The following SMAD6 variants were observed in gnomAD, a reference collection of about 807,000 sequenced individuals.
The protein encoded by SMAD6 is SMAD family member 6.
Under a neutral mutation model 39.4 loss-of-function variants are expected in SMAD6, and 103 were observed. That is an observed-to-expected ratio of 2.62 (90% confidence interval 2.23 to 3.08). SMAD6 has a LOEUF of 3.08. Ranked by LOEUF, SMAD6 falls within the 30% of genes most tolerant of loss-of-function variation. SMAD6 has a pLI of 0.00. For synonymous variants in SMAD6, 445 were observed against 353.3 expected, an observed-to-expected ratio of 1.26 and a Z score of -2.91; for missense variants, 1,104 against 742.9, an observed-to-expected ratio of 1.49 and a Z score of -5.65.
intron 3 of SMAD6, among the ~76,000 whole-genome samples, chr15:66,763,210 TC>T (rs927813204): frequency 1.3e-5 from 2 of 152,246 alleles, no homozygotes; most frequent in Non-Finnish European, 2.9e-5. Context: ...CAGGCCTGAC[TC>T]CCTGCCCAAG....
chr15:66,775,679 A>T (rs1056269870), intron 3 of SMAD6, among the ~76,000 whole-genome samples: 1 of 152,168 alleles, frequency 6.6e-6, no homozygotes, highest in African/African-American at 2.4e-5. Context: ...GGCCCTGAGC[A>T]GGGGGTAGTG....
Position 66,781,272 on chromosome 15 carries a change from A to ATCTTCGGCGAGCACCCCT in SMAD6, c.1234_1235insGCGAGCACCCCTTCTTCG (p.Phe411_Val412insGlyGluHisProPhePhe), listed in dbSNP as rs1894563552. 1 of 1,607,278 alleles carries ATCTTCGGCGAGCACCCCT rather than the reference A, an allele frequency of 6.2e-7. No individual in the cohort carries two copies. Among genetic ancestry groups the ATCTTCGGCGAGCACCCCT allele is most frequent in the South Asian group, 1.1e-5 (1 of 91,030 alleles). ...GGCCTACAACCGCGGCGAGCACCCC[A>ATCTTCGGCGAGCACCCCT]TCTTCGTCAACTCCCCGACGCTGGA... On this transcript the variant is annotated inframe_insertion, in exon 4 of 4. Transcript: ENST00000288840.
chr15:66,703,339 C>CGGCGGCGGCGGT lies in SMAD6; in HGVS notation c.89_100dup (p.Gly30_Gly33dup), dbSNP rs1473812330. 6.8e-7 allele frequency: 1 copy of CGGCGGCGGCGGT among 1,477,800 alleles called. No individual in the cohort carries two copies. The highest frequency in any genetic ancestry group is 2.4e-5 in the Admixed American group (1 of 41,236). 91.5% of individuals were successfully genotyped at this position (1,477,800 alleles called of 1,614,324 possible). A position where few individuals can be genotyped will look rare whatever the true frequency, so the allele number is the denominator to read the frequency against. On this transcript the variant is annotated inframe_insertion, in exon 1 of 4. Coordinates refer to ENST00000288840, the MANE Select transcript of SMAD6 (RefSeq NM_005585.5). Reference sequence around the variant, plus strand: ...TCCCCGACCGGGAGGAAGGCGGCAGCGGCGGCGGCGGTGGCGGCGACGAGG... The same window carrying CGGCGGCGGCGGT: ...TCCCCGACCGGGAGGAAGGCGGCAGCGGCGGCGGCGGTGGCGGCGGCGGTGGCGGCGACGAGG...
At chr15:66,713,935 A>G (rs1893279214) in intron 2 of SMAD6, among the ~76,000 whole-genome samples, 1 of 152,160 alleles carries the variant, frequency 6.6e-6, no homozygotes, top group South Asian at 2.1e-4. Context: ...GAGGGCGAGG[A>G]GCTTCCCAGC....
chr15:66,723,596 G>A (rs1394582698), intron 3 of SMAD6, among the ~76,000 whole-genome samples: 1 of 152,182 alleles, frequency 6.6e-6, no homozygotes, highest in Non-Finnish European at 1.5e-5. Flanking sequence ...CTTGAGCTCA[G>A]GAGTTGGAGG....
At chr15:66,706,876 T>C (rs1048738395) in intron 1 of SMAD6, 1 of 152,304 alleles carries the variant, frequency 6.6e-6, no homozygotes, top group African/African-American at 2.4e-5. Flanking sequence ...AGTTTCCTCT[T>C]TGGGCTTCTT....
chr15:66,717,557 A>G (rs1209381821), intron 3 of SMAD6: 1 of 426,854 alleles, frequency 2.3e-6, no homozygotes, highest in Non-Finnish European at 4.8e-6. Flanking sequence ...TTCTTGATGT[A>G]GTCTCTCTGC....
chr15:66,704,164 C>T lies in SMAD6; in HGVS notation c.817+89C>T, dbSNP rs1251610345. The T allele has an allele frequency of 6.4e-6, 7 of 1,086,474 alleles. No homozygotes were observed. In the South Asian group the frequency reaches 1.4e-4, roughly 22 times the overall value. 67.3% of individuals were successfully genotyped at this position (1,086,474 alleles called of 1,614,324 possible). A position where few individuals can be genotyped will look rare whatever the true frequency, so the allele number is the denominator to read the frequency against. ...CTCTCTGTGACACTGCGGGTCGGCG[C>T]AGCTGCGGGTGCTCCCCCGGGTGCC... On this transcript the variant is annotated intron_variant, in intron 1 of 3. Coordinates refer to ENST00000288840, the MANE Select transcript of SMAD6 (RefSeq NM_005585.5).
At chr15:66,724,859 A>G (rs1004118805) in intron 3 of SMAD6, among the ~76,000 whole-genome samples, 6 of 152,112 alleles carry the variant, frequency 3.9e-5, no homozygotes, top group Non-Finnish European at 8.8e-5. Context: ...GTGCCTGTCC[A>G]GGGCTGGCTG....
At chr15:66,743,557 C>G (rs1304388312) in intron 3 of SMAD6, among the ~76,000 whole-genome samples, 3 of 145,062 alleles carry the variant, frequency 2.1e-5, no homozygotes, top group Admixed American at 1.4e-4. Context: ...AGCCCTACCT[C>G]AATAGCATTT....
chr15:66,748,234 C>T (rs1293440376), intron 3 of SMAD6, among the ~76,000 whole-genome samples: 2 of 150,202 alleles, frequency 1.3e-5, no homozygotes. Flanking sequence ...TAAGGAGTAG[C>T]CCCAGAGAGA....
At chr15:66,711,262 C>T (rs1210614396) in intron 1 of SMAD6, among the ~76,000 whole-genome samples, 3 of 152,220 alleles carry the variant, frequency 2.0e-5, no homozygotes, top group East Asian at 3.8e-4. Context: ...CCTGCACTCA[C>T]GTTTCTCTTG....
chr15:66,735,317 A>G (rs1490958070), intron 3 of SMAD6, among the ~76,000 whole-genome samples: 1 of 152,234 alleles, frequency 6.6e-6, no homozygotes, highest in African/African-American at 2.4e-5. Flanking sequence ...CTCTTTCCCC[A>G]ACAAGAGCCT....
intron 3 of SMAD6, among the ~76,000 whole-genome samples, chr15:66,733,961 C>T (rs536871622): frequency 6.6e-6 from 1 of 152,308 alleles, no homozygotes; most frequent in Non-Finnish European, 1.5e-5. Context: ...GGGCAGGGCA[C>T]TTGGCCTGCA....
chr15:66,769,215 A>T (rs1161944502), intron 3 of SMAD6, among the ~76,000 whole-genome samples: 5 of 152,094 alleles, frequency 3.3e-5, no homozygotes, highest in Non-Finnish European at 7.4e-5. Flanking sequence ...CGGGTGTTGG[A>T]TGTGTGGGGT....
intron 3 of SMAD6, among the ~76,000 whole-genome samples, chr15:66,761,018 C>A (rs1894189216): frequency 6.6e-6 from 1 of 152,218 alleles, no homozygotes; most frequent in Non-Finnish European, 1.5e-5. Context: ...ATGAGAACCT[C>A]CAGGGGCGGG....
chr15:66,708,140 T>G (rs1180750390), intron 1 of SMAD6: 1 of 152,456 alleles, frequency 6.6e-6, no homozygotes, highest in Non-Finnish European at 1.5e-5. Context: ...GATGTCTTTC[T>G]GTCTCCCTCT....
intron 3 of SMAD6, among the ~76,000 whole-genome samples, chr15:66,752,248 T>C (rs564234858): frequency 2.0e-5 from 3 of 152,144 alleles, no homozygotes; most frequent in African/African-American, 7.2e-5. Context: ...GCTTTGCCTC[T>C]GTGGGGGGCC....
intron 3 of SMAD6, among the ~76,000 whole-genome samples, chr15:66,720,362 G>C (rs1295030527): frequency 2.0e-5 from 3 of 152,074 alleles, no homozygotes; most frequent in African/African-American, 7.2e-5. Flanking sequence ...TCTGACTCCA[G>C]CCTAGAAAAA....
Sources: gnomAD v4.1 joint callset for allele counts (sites outside exome capture counted in the v4.1 genomes callset) on GRCh38, gnomAD v4.1.1 for gene constraint, MANE v1.5 for transcripts, NCBI Gene and HGNC (gene_info 2026-07-23, HGNC 2026-07-21) for gene names.